The following APBB2 variants were observed in gnomAD, a reference collection of about 807,000 sequenced individuals.
APBB2 encodes Fe65-like 1.
In APBB2, 38 loss-of-function variants were observed where a neutral mutation model predicts 82.5. The observed-to-expected ratio is 0.46, with a 90% CI of 0.36 to 0.60. The LOEUF is 0.60. Ranked by LOEUF, APBB2 falls within the 20% of genes least tolerant of loss-of-function variation. APBB2 has a pLI of 0.00. For missense variants in APBB2, 772 were observed against 972.3 expected (o/e 0.79, Z 2.74); for synonymous variants, 341 against 368.2 (o/e 0.93, Z 0.85).
At chr4:40,987,005 ATAATT>A (rs1800577646) in intron 6 of APBB2, among the ~76,000 whole-genome samples, 1 of 152,224 alleles carries the variant, frequency 6.6e-6, no homozygotes, top group African/African-American at 2.4e-5. Flanking sequence ...AATGTAATCA[ATAATT>A]TAAAGCAAAG....
chr4:40,971,486 G>A (rs973150371), intron 6 of APBB2, among the ~76,000 whole-genome samples: 4 of 152,174 alleles, frequency 2.6e-5, no homozygotes, highest in Non-Finnish European at 5.9e-5. Context: ...GAAGCAGGAG[G>A]AGCTTTCTCT....
At chr4:40,887,733 T>C (rs1578204710) in intron 12 of APBB2, among the ~76,000 whole-genome samples, 2 of 152,192 alleles carry the variant, frequency 1.3e-5, no homozygotes, top group African/African-American at 4.8e-5. Flanking sequence ...ATGATCTTGC[T>C]GAGGTCCTGC....
intron 10 of APBB2, among the ~76,000 whole-genome samples, chr4:40,918,759 GTTT>G (rs1208082701): frequency 7.1e-5 from 6 of 84,278 alleles, no homozygotes; most frequent in African/African-American, 1.0e-4. Context: ...TTTTTTCTCT[GTTT>G]TTTTTTTTGT....
intron 6 of APBB2, among the ~76,000 whole-genome samples, chr4:40,987,864 A>G (rs566723565): frequency 6.6e-6 from 1 of 152,294 alleles, no homozygotes; most frequent in South Asian, 2.1e-4. Context: ...AGCAGAAGGG[A>G]ATTAGAAAGG....
intron 3 of APBB2, among the ~76,000 whole-genome samples, chr4:41,081,691 C>T (rs1737680597): frequency 6.6e-6 from 1 of 152,176 alleles, no homozygotes; most frequent in Admixed American, 6.5e-5. Flanking sequence ...CTACTTCCAA[C>T]CAACACAAGT....
At chr4:41,154,262 G>A (rs976628626) in intron 1 of APBB2, among the ~76,000 whole-genome samples, 1 of 152,142 alleles carries the variant, frequency 6.6e-6, no homozygotes, top group Non-Finnish European at 1.5e-5. Context: ...TAGGAAAAAT[G>A]ACTGGAAACA....
At chr4:41,125,697 T>C (rs1165032378) in intron 2 of APBB2, among the ~76,000 whole-genome samples, 1 of 152,160 alleles carries the variant, frequency 6.6e-6, no homozygotes, top group African/African-American at 2.4e-5. Flanking sequence ...CAAATTCAAA[T>C]AAATAGGCCA....
chr4:40,848,242 C>A (rs1159998678), intron 12 of APBB2, among the ~76,000 whole-genome samples: 2 of 152,372 alleles, frequency 1.3e-5, no homozygotes, highest in Admixed American at 1.3e-4. Context: ...CGGCTCCTGG[C>A]TATGATTGCT....
intron 17 of APBB2, among the ~76,000 whole-genome samples, chr4:40,819,565 G>A (rs1376354505): frequency 2.6e-5 from 4 of 151,898 alleles, no homozygotes; most frequent in Non-Finnish European, 5.9e-5. Flanking sequence ...CCGTTCCAGG[G>A]AGGAGTTCAA....
Position 41,118,051 on chromosome 4 carries a change from A to AC in APBB2, c.-260-17302_-260-17301insG, listed in dbSNP as rs199954566. The AC allele has an allele frequency of 5.7e-3, 835 of 146,548 alleles. 9 individuals are homozygous for AC. Among genetic ancestry groups the AC allele is most frequent in the African/African-American group, 0.019 (751 of 39,900 alleles). 9.1% of individuals were successfully genotyped at this position (146,548 alleles called of 1,614,324 possible). ...CGGAGAAACTGTATCTACAAAACAA[A>AC]ACAAAAAAAAAAATTAGCCAGGAGC... On this transcript the variant is annotated intron_variant, in intron 2 of 17. Coordinates refer to ENST00000508593, the MANE Select transcript of APBB2 (RefSeq NM_004307.2).
intron 10 of APBB2, among the ~76,000 whole-genome samples, chr4:40,930,456 C>CGCGCGCGTGCGCGT (rs1487050027): frequency 8.0e-6 from 1 of 124,520 alleles, no homozygotes; most frequent in Non-Finnish European, 1.6e-5. Context: ...TGTGCGCGCG[C>CGCGCGCGTGCGCGT]GCGCGCGCGC....
chr4:40,968,046 C>T (rs1265161016), intron 6 of APBB2, among the ~76,000 whole-genome samples: 1 of 152,198 alleles, frequency 6.6e-6, no homozygotes, highest in African/African-American at 2.4e-5. Flanking sequence ...TCATCAACAG[C>T]AGCAGCCACA....
chr4:40,932,825 C>G (rs2154374489), intron 10 of APBB2, among the ~76,000 whole-genome samples: 1 of 152,308 alleles, frequency 6.6e-6, no homozygotes, highest in East Asian at 1.9e-4. Context: ...AAAAGTTTTT[C>G]CTTTCTTCCG....
intron 2 of APBB2, among the ~76,000 whole-genome samples, chr4:41,117,802 G>T (rs1487168817): frequency 2.6e-5 from 4 of 152,160 alleles, no homozygotes; most frequent in Admixed American, 2.0e-4. Context: ...GGCAGGCAGA[G>T]CATCTTTATT....
At chr4:41,043,296 T>C (rs1307593673) in intron 4 of APBB2, among the ~76,000 whole-genome samples, 1 of 152,224 alleles carries the variant, frequency 6.6e-6, no homozygotes, top group Admixed American at 6.5e-5. Context: ...CATCCTACAA[T>C]GGAATACTAT....
chr4:41,033,996 A>T (rs1031809531), intron 4 of APBB2, among the ~76,000 whole-genome samples: 1 of 152,242 alleles, frequency 6.6e-6, no homozygotes, highest in Non-Finnish European at 1.5e-5. Flanking sequence ...TAATACCACA[A>T]TCTAAGGACA....
chr4:40,893,089 G>T lies in APBB2; in HGVS notation c.1401+176C>A, dbSNP rs1267019453. 7.7e-6 allele frequency: 5 copies of T among 646,742 alleles called. No individual in the cohort carries two copies. The Admixed American group carries it at 1.7e-4, about 22-fold the overall frequency. The allele number at this position is 646,742 out of a possible 1,614,324, so 40.1% of individuals were successfully genotyped here. ...CCCCAGTCCTCACTGGCATCTGGCA[G>T]TGCTAAGGGATCAGTCACACGGGGG... On this transcript the variant is annotated intron_variant, in intron 11 of 17. Coordinates refer to ENST00000508593, the MANE Select transcript of APBB2 (RefSeq NM_004307.2).
intron 7 of APBB2, 64 bp from the exon 8 acceptor site, chr4:40,935,203 A>C (rs202032021): frequency 2.2e-4 from 16 of 72,358 alleles, no homozygotes; most frequent in South Asian, 5.0e-4. Flanking sequence ...AAAAGAAAAG[A>C]AAAAAAAAAA....
intron 12 of APBB2, among the ~76,000 whole-genome samples, chr4:40,876,965 A>G (rs1307374341): frequency 1.3e-5 from 2 of 152,208 alleles, no homozygotes; most frequent in Non-Finnish European, 2.9e-5. Flanking sequence ...TGACCTAGGT[A>G]TTAAGGAGGT....
Sources: gnomAD v4.1 joint callset for allele counts (sites outside exome capture counted in the v4.1 genomes callset) on GRCh38, gnomAD v4.1.1 for gene constraint, MANE v1.5 for transcripts, NCBI Gene and HGNC (gene_info 2026-07-23, HGNC 2026-07-21) for gene names.